VPS13C: variants seen among roughly 807,000 people sequenced by gnomAD.
VPS13C encodes the protein intermembrane lipid transfer protein VPS13C.
A neutral mutation model predicts 456.8 loss-of-function variants in VPS13C; 358 were observed. That is an observed-to-expected ratio of 0.78 (90% CI 0.72 to 0.86). The LOEUF is 0.86. VPS13C is among the 40% of genes least tolerant of loss of function. VPS13C has a pLI of 0.00. For missense variants in VPS13C, 4,818 were observed against 4,385.4 expected, an observed-to-expected ratio of 1.10 and a Z score of -2.79; for synonymous variants, 1,578 against 1,486.7, an observed-to-expected ratio of 1.06 and a Z score of -1.41.
At chr15:62,053,727 A>T (rs770314512) in intron 1 of VPS13C, among the ~76,000 whole-genome samples, 1 of 152,218 alleles carries the variant, frequency 6.6e-6, no homozygotes, top group Non-Finnish European at 1.5e-5. Flanking sequence ...GAATAAGATT[A>T]AAGAGGTTTG....
intron 45 of VPS13C, among the ~76,000 whole-genome samples, chr15:61,942,611 T>G (rs2044468191): frequency 6.6e-6 from 1 of 151,146 alleles, no homozygotes; most frequent in Non-Finnish European, 1.5e-5. Context: ...CCTGTAATCA[T>G]TAGTAAGAGT....
Position 61,867,532 on chromosome 15 carries a change from A to G in VPS13C, c.10863+1127T>C. The G allele has an allele frequency of 1.0e-6, 1 of 996,736 alleles. No homozygotes were observed. Among genetic ancestry groups the G allele is most frequent in the Non-Finnish European group, 1.2e-6 (1 of 837,966 alleles). 61.7% of individuals were successfully genotyped at this position (996,736 alleles called of 1,614,324 possible). On this transcript the variant is annotated intron_variant, in intron 81 of 84. Coordinates refer to ENST00000644861, the MANE Select transcript of VPS13C (RefSeq NM_020821.3). The surrounding 1 kb of genome is among the most constrained non-coding windows in gnomAD (Gnocchi z 5.0). The stretch of plus-strand genomic sequence containing the variant: ...ATGTAATTCCATCATCAAGACTCAC[A>G]AACATAAACATATTAATTGGACATA...
intron 84 of VPS13C, 78 bp from the exon 85 acceptor site, chr15:61,854,636 A>G: frequency 6.9e-7 from 1 of 1,449,374 alleles, no homozygotes; most frequent in Non-Finnish European, 9.7e-7. Context: ...TATGAAAGCA[A>G]GGGCTGAAGC....
chr15:61,864,950 T>G (rs979795612), intron 81 of VPS13C: 2 of 979,994 alleles, frequency 2.0e-6, no homozygotes, highest in Non-Finnish European at 1.2e-6. Flanking sequence ...CTATCTTGTA[T>G]GTATTTTCGT....
At chr15:61,973,361 C>G (rs747968866) in intron 26 of VPS13C, 93 bp downstream of exon 26, 2 of 1,058,986 alleles carry the variant, frequency 1.9e-6, no homozygotes, top group South Asian at 2.9e-5. Context: ...TACTACAGCA[C>G]TTTCAGACTG....
chr15:61,914,198 T>C (rs905802166), intron 61 of VPS13C, among the ~76,000 whole-genome samples: 1 of 152,132 alleles, frequency 6.6e-6, no homozygotes. Context: ...CATCACCTGT[T>C]GGAAATGCAA....
rs755872071 is a variant in VPS13C, at chr15:62,007,301, G to C, written c.1290+7C>G. On this transcript the variant is annotated splice_region_variant and intron_variant, in intron 15 of 84. Coordinates refer to ENST00000644861, the MANE Select transcript of VPS13C (RefSeq NM_020821.3). Reference sequence around the variant, plus strand: ...TAATAGCTCTCACTAATATATGCAAGATATACCTGAATTTCTTTCTGTATT... The same window carrying C: ...TAATAGCTCTCACTAATATATGCAACATATACCTGAATTTCTTTCTGTATT... 1.3e-6 allele frequency: 2 copies of C among 1,599,032 alleles called. No homozygotes were observed. The highest frequency in any genetic ancestry group is 1.1e-5 in the South Asian group (1 of 87,926).
chr15:61,917,193 C>T (rs2043499305), intron 60 of VPS13C, 148 bp downstream of exon 60: 3 of 820,760 alleles, frequency 3.7e-6, no homozygotes, highest in Non-Finnish European at 3.8e-6. Context: ...AAATGTTATG[C>T]CAGTTTTTGC....
At chr15:61,910,837 G>A (rs1481889602) in intron 63 of VPS13C, among the ~76,000 whole-genome samples, 1 of 151,962 alleles carries the variant, frequency 6.6e-6, no homozygotes, top group Non-Finnish European at 1.5e-5. Context: ...TAAAACTGAA[G>A]ATTTCATTCC....
intron 81 of VPS13C, among the ~76,000 whole-genome samples, chr15:61,868,434 T>C (rs1029544361): frequency 3.3e-5 from 5 of 151,502 alleles, no homozygotes; most frequent in African/African-American, 1.2e-4. Flanking sequence ...AACATTATCT[T>C]TTCTGCACAC....
intron 45 of VPS13C, among the ~76,000 whole-genome samples, chr15:61,944,594 T>C (rs1281030600): frequency 6.6e-6 from 1 of 152,008 alleles, no homozygotes; most frequent in African/African-American, 2.4e-5. Flanking sequence ...GGGTATTTCA[T>C]GGATGTAACA....
intron 45 of VPS13C, 56 bp downstream of exon 45, chr15:61,945,659 T>C: frequency 1.1e-5 from 16 of 1,409,682 alleles, no homozygotes; most frequent in African/African-American, 1.4e-5. Flanking sequence ...GGTTCAGTTG[T>C]ATAAGCAAAG....
chr15:61,907,335 C>T lies in VPS13C; in HGVS notation c.9034G>A (p.Ala3012Thr). The change falls in exon 66 of 85, where the codon GCA becomes ACA. Residue 3012 changes from alanine to threonine, a missense_variant. Ala to Thr is a moderately conservative substitution (Grantham distance 58). Around this residue, in one of 3 missense-constraint regions of VPS13C, gnomAD observed 4,552 missense variants for 4,130.6 expected, o/e 1.10. Coordinates refer to ENST00000644861, the MANE Select transcript of VPS13C (RefSeq NM_020821.3). ...AGTTTTCTGGTACCAGTAGGATCTG[C>T]CCAGGCAAAAAGTCGAGCCTGTCTT... Reference protein sequence around the residue: ...LPRQARLFAWADPTGTRKLTW... With the variant: ...LPRQARLFAWTDPTGTRKLTW... 6.2e-7 allele frequency: 1 copy of T among 1,614,012 alleles called. No homozygotes were observed.
intron 83 of VPS13C, among the ~76,000 whole-genome samples, chr15:61,855,708 A>G (rs1385270129): frequency 6.6e-6 from 1 of 152,070 alleles, no homozygotes; most frequent in Admixed American, 6.6e-5. Context: ...AGAAATTGCC[A>G]TATTTAGAAT....
chr15:62,015,532 T>G (rs1290388353), intron 9 of VPS13C, among the ~76,000 whole-genome samples: 1 of 149,902 alleles, frequency 6.7e-6, no homozygotes, highest in Non-Finnish European at 1.5e-5. Flanking sequence ...AACCCAAATG[T>G]CCAACAATGA....
chr15:61,940,382 G>C (rs1235150065), intron 47 of VPS13C, among the ~76,000 whole-genome samples: 2 of 152,186 alleles, frequency 1.3e-5, no homozygotes, highest in African/African-American at 4.8e-5. Flanking sequence ...ACAAAGAAAA[G>C]TGAGGGAAAC....
intron 53 of VPS13C, among the ~76,000 whole-genome samples, chr15:61,924,857 G>A (rs1041771982): frequency 1.3e-5 from 2 of 152,172 alleles, no homozygotes; most frequent in Non-Finnish European, 2.9e-5. Flanking sequence ...TGCAAACAGA[G>A]AAATAGATTG....
intron 10 of VPS13C, 52 bp from the exon 11 acceptor site, chr15:62,013,171 A>G: frequency 7.4e-7 from 1 of 1,353,172 alleles, no homozygotes; most frequent in South Asian, 1.4e-5. Flanking sequence ...GAAATTATGA[A>G]TCAATATTAA....
intron 9 of VPS13C, among the ~76,000 whole-genome samples, chr15:62,019,434 A>AGCT (rs1463705125): frequency 6.6e-6 from 1 of 152,050 alleles, no homozygotes; most frequent in African/African-American, 2.4e-5. Flanking sequence ...TTAGTGCTGC[A>AGCT]AATTTCCCTC....
Sources: allele counts gnomAD v4.1 joint callset (sites outside exome capture counted in the v4.1 genomes callset), GRCh38; gene constraint gnomAD v4.1.1; regional missense constraint gnomAD v4.1.1; non-coding constraint Gnocchi (gnomAD v3.1); transcripts MANE v1.5; gene names NCBI Gene and HGNC (gene_info 2026-07-23, HGNC 2026-07-21).